Variants in ABL2 observed in about 807,000 individuals in gnomAD.
ABL2 encodes tyrosine-protein kinase ABL2.
ABL2 carries 49 observed loss-of-function variants against 107.7 expected under a neutral mutation model. That is an observed-to-expected ratio of 0.45 (90% CI 0.36 to 0.58). The LOEUF is 0.58. Among genes scored for constraint, ABL2 ranks in the 20% least tolerant of loss-of-function variants. ABL2 has a pLI of 0.00. For missense variants in ABL2, 1,245 were observed against 1,457.0 expected (o/e 0.85, Z 2.37); for synonymous variants, 549 against 548.6 (o/e 1.00, Z -0.01).
At position 179,107,934 on chromosome 1, in the gene ABL2, G is replaced by A. The variant is rs2102572394; in HGVS notation, c.3333C>T (p.Asp1111=). Residue 1111 remains aspartate (D), a synonymous_variant, in exon 12 of 12, where the codon GAC becomes GAT. Coordinates refer to ENST00000502732, the MANE Select transcript of ABL2 (RefSeq NM_007314.4). The stretch of plus-strand genomic sequence containing the variant: ...AGTAGTCAAGCAGCTGGTGTCCAGT[G>A]TCTACCAGCTGGCTGTTGGGCACAG... ...TEPVPNSQLV[D]TGHQLLDYCS... is the part of the protein sequence containing the mutation. 1.9e-6 allele frequency: 3 copies of A among 1,614,240 alleles called. No homozygotes were observed. Among genetic ancestry groups the A allele is most frequent in the Non-Finnish European group, 2.5e-6 (3 of 1,180,046 alleles).
chr1:179,229,199 G>GA, intron 1 of ABL2, 42 bp downstream of exon 1: 1 of 192,962 alleles, frequency 5.2e-6, no homozygotes, highest in Non-Finnish European at 7.1e-6. Context: ...CCCCACCCCC[G>GA]GCCTCCCCCA....
chr1:179,202,171 T>C (rs1004150484), intron 1 of ABL2, among the ~76,000 whole-genome samples: 10 of 152,200 alleles, frequency 6.6e-5, no homozygotes, highest in Non-Finnish European at 1.2e-4. Flanking sequence ...ATTGGTCTTC[T>C]ATACTGTAAC....
intron 1 of ABL2, among the ~76,000 whole-genome samples, chr1:179,191,067 G>T (rs1384553342): frequency 2.0e-5 from 3 of 152,060 alleles, no homozygotes; most frequent in African/African-American, 7.2e-5. Flanking sequence ...GCCACTCCCA[G>T]TTCTCTTGAA....
In ABL2 at chr1:179,103,340, C is replaced by T. The variant is rs1255874538; in HGVS notation, c.*4378G>A. On this transcript the variant is annotated 3_prime_UTR_variant, in exon 12 of 12. Transcript: ENST00000502732. The stretch of plus-strand genomic sequence containing the variant: ...TTTTCAGGTACCCCACAGGGTCCAT[C>T]CACATTGAATCAACTGTCTTATCTT... 2 of 206,078 alleles carry T rather than the reference C, an allele frequency of 9.7e-6. No homozygotes were observed. The highest frequency in any genetic ancestry group is 4.6e-5 in the African/African-American group (2 of 43,832). 12.8% of individuals were successfully genotyped at this position (206,078 alleles called of 1,614,324 possible).
intron 1 of ABL2, among the ~76,000 whole-genome samples, chr1:179,139,889 G>A (rs961452082): frequency 6.6e-6 from 1 of 152,170 alleles, no homozygotes; most frequent in Non-Finnish European, 1.5e-5. Context: ...AGGTGGAACA[G>A]TTTCATGTGA....
At chr1:179,110,950 C>G in intron 10 of ABL2, 14 of 1,213,298 alleles carry the variant, frequency 1.2e-5, no homozygotes, top group African/African-American at 1.6e-5. Context: ...ACTCTGCATG[C>G]TTGCTAAAAT....
rs1663280097 is a variant in ABL2 at position 179,227,436 on chromosome 1, A to C, written c.157+1805T>G. ...TGTTCCCGTTCAAGTTGTTTCTTCTACCCAAATTGTTCTCCCTCTCCATAG... is the reference window on the plus strand; with the variant it reads ...TGTTCCCGTTCAAGTTGTTTCTTCTCCCCAAATTGTTCTCCCTCTCCATAG... On this transcript the variant is annotated intron_variant, in intron 1 of 11. Coordinates refer to ENST00000502732, the MANE Select transcript of ABL2 (RefSeq NM_007314.4). Among the ~76,000 whole-genome samples the C allele has an allele frequency of 2.0e-5, 3 of 152,128 alleles. No individual in the cohort carries two copies. In the South Asian group the frequency reaches 6.2e-4, roughly 32 times the overall value.
intron 1 of ABL2, among the ~76,000 whole-genome samples, chr1:179,216,099 T>G (rs1662549775): frequency 1.3e-5 from 2 of 152,196 alleles, no homozygotes; most frequent in African/African-American, 4.8e-5. Context: ...CCTGCCCAGC[T>G]TTAGCGTTCT....
chr1:179,201,923 C>T, intron 1 of ABL2: 1 of 1,247,960 alleles, frequency 8.0e-7, no homozygotes, highest in Non-Finnish European at 1.0e-6. Context: ...CCGACCTCAT[C>T]TGAGGGGCTG....
At chr1:179,208,666 G>T (rs925543493) in intron 1 of ABL2, among the ~76,000 whole-genome samples, 1 of 150,080 alleles carries the variant, frequency 6.7e-6, no homozygotes, top group African/African-American at 2.5e-5. Flanking sequence ...GAAGGCAGAA[G>T]ACAATCTCTC....
Position 179,107,448 on chromosome 1 carries a change from A to C in ABL2, c.*270T>G. On this transcript the variant is annotated 3_prime_UTR_variant, in exon 12 of 12. Transcript: ENST00000502732. ...GATGGGCTGCATTGCCTTCCTTATG[A>C]CATACACATGTTCCCTATTTTCCAG... 1 of 469,358 alleles carries C rather than the reference A, an allele frequency of 2.1e-6. No individual in the cohort carries two copies. The highest frequency in any genetic ancestry group is 3.6e-6 in the Non-Finnish European group (1 of 277,924). 29.1% of individuals were successfully genotyped at this position (469,358 alleles called of 1,614,324 possible). A position where few individuals can be genotyped will look rare whatever the true frequency, so the allele number is the denominator to read the frequency against.
chr1:179,176,937 C>A (rs1239987474), intron 1 of ABL2, among the ~76,000 whole-genome samples: 1 of 152,050 alleles, frequency 6.6e-6, no homozygotes, highest in East Asian at 1.9e-4. Context: ...CTCAGGTGAT[C>A]TGCCCACCTC....
In ABL2 at chr1:179,107,940, C is replaced by T; in HGVS notation, c.3327G>A (p.Leu1109=). The T allele has an allele frequency of 1.9e-6, 3 of 1,614,220 alleles. No homozygotes were observed. The highest frequency in any genetic ancestry group is 2.5e-6 in the Non-Finnish European group (3 of 1,180,046). The change falls in exon 12 of 12, where the codon CTG becomes CTA. Residue 1109 remains leucine (L), a synonymous_variant. Transcript: ENST00000502732. ...ALTEPVPNSQ[L]VDTGHQLLDY... is the part of the protein sequence containing the mutation. ...CAAGCAGCTGGTGTCCAGTGTCTAC[C>T]AGCTGGCTGTTGGGCACAGGTTCCG... is the stretch of plus-strand genomic sequence containing the variant.
intron 1 of ABL2, among the ~76,000 whole-genome samples, chr1:179,148,310 G>C (rs923570083): frequency 1.3e-5 from 2 of 152,034 alleles, no homozygotes; most frequent in Non-Finnish European, 2.9e-5. Flanking sequence ...CAAAATGTTG[G>C]TATTACGGGT....
Position 179,106,541 on chromosome 1 carries a change from G to C in ABL2, c.*1177C>G, listed in dbSNP as rs184617207. 77 of 233,106 alleles carry C rather than the reference G, an allele frequency of 3.3e-4. No homozygotes were observed. Among genetic ancestry groups the C allele is most frequent in the African/African-American group, 1.7e-3 (76 of 45,430 alleles). The allele number at this position is 233,106 out of a possible 1,614,324, so 14.4% of individuals were successfully genotyped here. A position where few individuals can be genotyped will look rare whatever the true frequency, so the allele number is the denominator to read the frequency against. ...GAAAAGCATGTGAGAATAATGTGGG[G>C]GTGATTCACTTCAAATCCATAGAGA... On this transcript the variant is annotated 3_prime_UTR_variant, in exon 12 of 12. Coordinates refer to ENST00000502732, the MANE Select transcript of ABL2 (RefSeq NM_007314.4).
chr1:179,143,037 A>G, intron 1 of ABL2: 1 of 1,614,142 alleles, frequency 6.2e-7, no homozygotes, highest in South Asian at 1.1e-5. Flanking sequence ...AACTGTCCCA[A>G]GGACCATACC....
intron 8 of ABL2, 55 bp downstream of exon 8, chr1:179,117,277 G>T (rs1314436965): frequency 9.2e-6 from 14 of 1,518,868 alleles, no homozygotes; most frequent in Non-Finnish European, 1.3e-5. Flanking sequence ...AAGAATCAAG[G>T]CATTTATAAA....
intron 1 of ABL2, among the ~76,000 whole-genome samples, chr1:179,158,054 C>A (rs1386515855): frequency 5.3e-5 from 8 of 152,042 alleles, no homozygotes; most frequent in African/African-American, 1.9e-4. Flanking sequence ...GGGTGGAATA[C>A]GGTGTTCACA....
intron 1 of ABL2, among the ~76,000 whole-genome samples, chr1:179,213,495 C>A (rs1197270249): frequency 2.0e-5 from 3 of 151,666 alleles, no homozygotes; most frequent in Non-Finnish European, 4.4e-5. Flanking sequence ...CAGAAAGGGT[C>A]TCACTATATT....
Sources: allele counts gnomAD v4.1 joint callset (sites outside exome capture counted in the v4.1 genomes callset), GRCh38; gene constraint gnomAD v4.1.1; transcripts MANE v1.5; gene names NCBI Gene and HGNC (gene_info 2026-07-23, HGNC 2026-07-21).